The following GALNT18 variants were observed in gnomAD, a reference collection of about 807,000 sequenced individuals.
GALNT18 encodes the protein GalNAc-transferase 18.
Under a neutral mutation model 69.5 loss-of-function variants are expected in GALNT18, and 44 were observed. The ratio of observed to expected loss-of-function variants is 0.63; its 90% CI spans 0.50 to 0.81. The LOEUF (loss-of-function observed/expected upper bound fraction) is 0.81, where lower values mean the gene tolerates loss of function less well. Among genes scored for constraint, GALNT18 ranks in the 40% least tolerant of loss-of-function variants. The pLI is 0.00. For missense variants in GALNT18, 715 were observed against 810.0 expected (o/e 0.88, Z 1.42); for synonymous variants, 364 against 318.2 (o/e 1.14, Z -1.53).
At chr11:11,534,516 C>T (rs1257791529) in intron 1 of GALNT18, among the ~76,000 whole-genome samples, 1 of 152,202 alleles carries the variant, frequency 6.6e-6, no homozygotes, top group Non-Finnish European at 1.5e-5. Flanking sequence ...GTCTTGTCCT[C>T]AAGATGCTTA....
rs1008304500 is a variant in GALNT18 at position 11,439,721 on chromosome 11, T to G, written c.429-6934A>C. On this transcript the variant is annotated intron_variant, in intron 2 of 10. Coordinates refer to ENST00000227756, the MANE Select transcript of GALNT18 (RefSeq NM_198516.3). This position sits in a 1 kb window ranked among gnomAD's most constrained non-coding sequence, Gnocchi z 4.4. ...CCTGGTGATGGGCTGAGTGAACACA[T>G]GAATAAATGAACAGCAGAAAGAATT... 2.0e-5 allele frequency among the ~76,000 whole-genome samples: 3 copies of G among 152,138 alleles called. No homozygotes were observed. Among genetic ancestry groups the G allele is most frequent in the African/African-American group, 7.2e-5 (3 of 41,418 alleles).
intron 9 of GALNT18, among the ~76,000 whole-genome samples, chr11:11,299,311 AT>A (rs994940705): frequency 1.3e-5 from 2 of 151,836 alleles, no homozygotes; most frequent in Non-Finnish European, 2.9e-5. Context: ...CACCCAGCTA[AT>A]TTTTTTTACT....
chr11:11,574,123 G>C (rs1347534344), intron 1 of GALNT18, among the ~76,000 whole-genome samples: 5 of 152,178 alleles, frequency 3.3e-5, no homozygotes, highest in Admixed American at 3.3e-4. Context: ...CCCCATGGGA[G>C]AGGAAGGGTA....
chr11:11,278,555 G>A (rs995886918), intron 10 of GALNT18, among the ~76,000 whole-genome samples: 6 of 151,898 alleles, frequency 4.0e-5, no homozygotes, highest in East Asian at 1.9e-4. Flanking sequence ...TGGATAGAAC[G>A]GGAGGTCATT....
At chr11:11,411,326 A>T (rs1854722202) in intron 3 of GALNT18, among the ~76,000 whole-genome samples, 2 of 152,172 alleles carry the variant, frequency 1.3e-5, no homozygotes, top group Non-Finnish European at 2.9e-5. Flanking sequence ...ACGAGGAGTG[A>T]TCTGAATATA....
At chr11:11,369,644 G>A (rs896554634) in intron 6 of GALNT18, among the ~76,000 whole-genome samples, 1 of 148,682 alleles carries the variant, frequency 6.7e-6, no homozygotes, top group East Asian at 1.9e-4. Flanking sequence ...TCAATCCCTT[G>A]CCAGCCCTTA....
intron 1 of GALNT18, among the ~76,000 whole-genome samples, chr11:11,502,846 G>A (rs753571843): frequency 6.6e-6 from 1 of 152,154 alleles, no homozygotes; most frequent in African/African-American, 2.4e-5. Context: ...CCCAGCTCCA[G>A]TCCTTAACGC....
chr11:11,621,208 G>T lies in GALNT18; in HGVS notation c.235+151C>A. On this transcript the variant is annotated intron_variant, in intron 1 of 10. Transcript: ENST00000227756. This position sits in a 1 kb window ranked among gnomAD's most constrained non-coding sequence, Gnocchi z 9.3. ...GACAGAAGGTCCCGAACGCAGGCAG[G>T]AGCTCACACGCAGGCCCCACGACTA... is the stretch of plus-strand genomic sequence containing the variant. The T allele has an allele frequency of 6.2e-6, 4 of 643,098 alleles. No individual in the cohort carries two copies. The highest frequency in any genetic ancestry group is 1.1e-5 in the Non-Finnish European group (4 of 369,700). The allele number at this position is 643,098 out of a possible 1,614,324, so 39.8% of individuals were successfully genotyped here. A position where few individuals can be genotyped will look rare whatever the true frequency, so the allele number is the denominator to read the frequency against.
At chr11:11,526,488 G>T (rs1857528708) in intron 1 of GALNT18, among the ~76,000 whole-genome samples, 1 of 152,114 alleles carries the variant, frequency 6.6e-6, no homozygotes, top group Non-Finnish European at 1.5e-5. Flanking sequence ...ATTCATGGAA[G>T]TAATAAATAC....
In GALNT18 at chr11:11,551,287, T is replaced by C. The variant is rs79164001; in HGVS notation, c.235+70072A>G. 3.8e-3 allele frequency among the ~76,000 whole-genome samples: 582 copies of C among 152,292 alleles called. 3 individuals are homozygous for C. Among genetic ancestry groups the C allele is most frequent in the African/African-American group, 0.013 (552 of 41,552 alleles). On this transcript the variant is annotated intron_variant, in intron 1 of 10. Coordinates refer to ENST00000227756, the MANE Select transcript of GALNT18 (RefSeq NM_198516.3). ...GCCAAACCTGATTTTTTTTTTCTTA[T>C]GCAACAGAGGTCTGTCATAGAACAA... is the stretch of plus-strand genomic sequence containing the variant.
chr11:11,447,482 G>C (rs769497384), intron 2 of GALNT18, among the ~76,000 whole-genome samples: 1 of 152,206 alleles, frequency 6.6e-6, no homozygotes, highest in Non-Finnish European at 1.5e-5. Context: ...AGGGGTTTCT[G>C]TATGTTTTGT....
rs1173455240 is a variant in GALNT18 at position 11,613,326 on chromosome 11, C to CTG, written c.235+8031_235+8032dup. On this transcript the variant is annotated intron_variant, in intron 1 of 10. Transcript: ENST00000227756. The surrounding 1 kb of genome is among the most constrained non-coding windows in gnomAD (Gnocchi z 4.2). ...CATTCCCAATCACTGCCACAACATA[C>CTG]TGTGCTGTGGAGCAGTTGTGAGGTA... Among the ~76,000 whole-genome samples, 7 of 152,174 alleles carry CTG rather than the reference C, an allele frequency of 4.6e-5. No homozygotes were observed. The highest frequency in any genetic ancestry group is 3.2e-3 in the Middle Eastern group (1 of 316).
At position 11,605,628 on chromosome 11, in the gene GALNT18, T is replaced by C. The variant is rs978892233; in HGVS notation, c.235+15731A>G. On this transcript the variant is annotated intron_variant, in intron 1 of 10. Transcript: ENST00000227756. This position sits in a 1 kb window ranked among gnomAD's most constrained non-coding sequence, Gnocchi z 4.7. ...AAATGAAGCTATGCTTTCTCCTTTCTAGTGACTCTTCAGGTGTCAATTAAA... is the reference window on the plus strand; with the variant it reads ...AAATGAAGCTATGCTTTCTCCTTTCCAGTGACTCTTCAGGTGTCAATTAAA... Among the ~76,000 whole-genome samples the C allele has an allele frequency of 6.6e-6, 1 of 152,236 alleles. No homozygotes were observed. The highest frequency in any genetic ancestry group is 2.4e-5 in the African/African-American group (1 of 41,462).
At chr11:11,462,056 C>T (rs866146629) in intron 1 of GALNT18, among the ~76,000 whole-genome samples, 9 of 152,166 alleles carry the variant, frequency 5.9e-5, no homozygotes, top group South Asian at 2.1e-4. Flanking sequence ...CAGACTTCAC[C>T]CAGAGGGCAG....
At chr11:11,316,944 C>T (rs559177352) in intron 9 of GALNT18, among the ~76,000 whole-genome samples, 7 of 152,290 alleles carry the variant, frequency 4.6e-5, no homozygotes, top group South Asian at 2.1e-4. Context: ...TAATACTCAA[C>T]GCATGTTTGT....
rs1589961801 is a variant in GALNT18, at chr11:11,389,444, G to A, written c.596-10180C>T. Among the ~76,000 whole-genome samples, 1 of 152,296 alleles carries A rather than the reference G, an allele frequency of 6.6e-6. No individual in the cohort carries two copies. The highest frequency in any genetic ancestry group is 2.4e-5 in the African/African-American group (1 of 41,564). On this transcript the variant is annotated intron_variant, in intron 3 of 10. Coordinates refer to ENST00000227756, the MANE Select transcript of GALNT18 (RefSeq NM_198516.3). The surrounding 1 kb of genome is among the most constrained non-coding windows in gnomAD (Gnocchi z 4.3). Reference sequence around the variant, plus strand: ...GGCCACCTCGCCTTTGTACTTCCTGGGGCTGTGTGAGGAGGAAAATCCTGT... The same window carrying A: ...GGCCACCTCGCCTTTGTACTTCCTGAGGCTGTGTGAGGAGGAAAATCCTGT...
Position 11,338,507 on chromosome 11 carries a change from A to T in GALNT18, c.1278+2312T>A, listed in dbSNP as rs1440516180. Reference sequence around the variant, plus strand: ...TGAGAGAGAGGAAGATTGAAGGATGATGTCATTTTCAAACTCATATGTCTG... The same window carrying T: ...TGAGAGAGAGGAAGATTGAAGGATGTTGTCATTTTCAAACTCATATGTCTG... On this transcript the variant is annotated intron_variant, in intron 7 of 10. Transcript: ENST00000227756. This position sits in a 1 kb window ranked among gnomAD's most constrained non-coding sequence, Gnocchi z 5.3. Among the ~76,000 whole-genome samples, 1 of 152,128 alleles carries T rather than the reference A, an allele frequency of 6.6e-6. No individual in the cohort carries two copies. Among genetic ancestry groups the T allele is most frequent in the Non-Finnish European group, 1.5e-5 (1 of 68,032 alleles).
intron 10 of GALNT18, among the ~76,000 whole-genome samples, chr11:11,288,495 A>C (rs1175825619): frequency 6.6e-6 from 1 of 152,168 alleles, no homozygotes; most frequent in Non-Finnish European, 1.5e-5. Flanking sequence ...TTCTGTTCTC[A>C]TCATTCGGTT....
At chr11:11,330,570 C>T (rs1444522431) in intron 8 of GALNT18, among the ~76,000 whole-genome samples, 1 of 152,130 alleles carries the variant, frequency 6.6e-6, no homozygotes, top group Non-Finnish European at 1.5e-5. Context: ...AGCCCTCTGC[C>T]AGCTGCAGGG....
Sources: gnomAD v4.1 joint callset for allele counts (sites outside exome capture counted in the v4.1 genomes callset) on GRCh38, gnomAD v4.1.1 for gene constraint, Gnocchi (gnomAD v3.1) non-coding constraint, MANE v1.5 for transcripts, NCBI Gene and HGNC (gene_info 2026-07-23, HGNC 2026-07-21) for gene names.